Variants in CFH observed in about 807,000 individuals in gnomAD.
CFH encodes the protein H factor 1 (complement).
Under a neutral mutation model 147.3 loss-of-function variants are expected in CFH, and 53 were observed. The observed-to-expected ratio is 0.36, with a 90% CI of 0.29 to 0.45. CFH has a LOEUF of 0.45. CFH is among the 20% of genes least tolerant of loss of function. The pLI, the probability that CFH is intolerant of heterozygous loss-of-function variation, is 1.00. For synonymous variants in CFH, 536 were observed against 489.4 expected, an observed-to-expected ratio of 1.10 and a Z score of -1.26; for missense variants, 1,380 against 1,498.0, an observed-to-expected ratio of 0.92 and a Z score of 1.30.
In CFH at chr1:196,672,718, G is replaced by A. The variant is rs35661539; in HGVS notation, c.59-260G>A. ...CAAAATATATCTATTGCTTTGCAAA[G>A]TTTTTTAGGTGTTTTTCCACAGTGA... On this transcript the variant is annotated intron_variant, in intron 1 of 21. Transcript: ENST00000367429. Among the ~76,000 whole-genome samples, 1,182 of 152,198 alleles carry A rather than the reference G, an allele frequency of 7.8e-3. 10 individuals carry two copies. Among genetic ancestry groups the A allele is most frequent in the South Asian group, 0.02 (97 of 4,832 alleles).
intron 9 of CFH, among the ~76,000 whole-genome samples, chr1:196,693,910 TA>T (rs1374261547): frequency 6.6e-6 from 1 of 151,914 alleles, no homozygotes; most frequent in East Asian, 1.9e-4. Flanking sequence ...AACACAAATT[TA>T]TTCCTCATGG....
At chr1:196,676,181 T>C (rs557886216) in intron 4 of CFH, 116 bp downstream of exon 4, 9 of 642,994 alleles carry the variant, frequency 1.4e-5, no homozygotes, top group East Asian at 6.0e-5. Context: ...TGTTTTTTTT[T>C]CTCATACAAT....
chr1:196,689,915 G>A, intron 8 of CFH, 148 bp from the exon 9 acceptor site: 1 of 953,548 alleles, frequency 1.0e-6, no homozygotes, highest in East Asian at 2.7e-5. Context: ...ACCTTTGTTA[G>A]TAACTTTAGT....
chr1:196,738,350 C>T (rs982192319), intron 17 of CFH, among the ~76,000 whole-genome samples: 1 of 152,174 alleles, frequency 6.6e-6, no homozygotes, highest in Admixed American at 6.5e-5. Flanking sequence ...TTAACTTATT[C>T]CAGCATTAAC....
chr1:196,715,339 T>C (rs1668843249), intron 10 of CFH, among the ~76,000 whole-genome samples: 1 of 152,030 alleles, frequency 6.6e-6, no homozygotes, highest in Non-Finnish European at 1.5e-5. Context: ...TTAGTATAAA[T>C]GAATTAAGAA....
At chr1:196,726,212 C>T (rs1217123569) in intron 12 of CFH, among the ~76,000 whole-genome samples, 1 of 151,924 alleles carries the variant, frequency 6.6e-6, no homozygotes, top group African/African-American at 2.4e-5. Flanking sequence ...TTTTCATAAC[C>T]ACATTTGCTA....
In CFH at chr1:196,736,889, C is replaced by G. The variant is rs749474384; in HGVS notation, c.2479C>G (p.Leu827Val). Residue 827 changes from leucine (L) to valine (V), a missense_variant, in exon 16 of 22, where the codon CTG (leucine) becomes GTG (valine). Physicochemically the swap from Leu to Val is conservative, Grantham distance 32 (BLOSUM62 1). Transcript: ENST00000367429. The part of the protein sequence containing the change: ...IPNSHNMTTT[L>V]NYRDGEKVSV... ...CAATTCTCACAATATGACAACCACA[C>G]TGAATTATCGGGATGGAGAAAAAGT... The G allele has an allele frequency of 6.2e-7, 1 of 1,608,040 alleles. No homozygotes were observed. Among genetic ancestry groups the G allele is most frequent in the South Asian group, 1.1e-5 (1 of 90,296 alleles).
intron 6 of CFH, among the ~76,000 whole-genome samples, chr1:196,682,340 T>C (rs779909275): frequency 4.0e-5 from 6 of 151,712 alleles, no homozygotes; most frequent in Admixed American, 1.3e-4. Context: ...TCTCAAGTAT[T>C]GTTTTGGATA....
chr1:196,740,601 T>C lies in CFH; in HGVS notation c.2783-18T>C, dbSNP rs1164015366. ...ATTTATGAGTTAGTGAAACCTGAATTCATTCTTTTTTTTTTAGGCCTTCCT... is the reference window on the plus strand; with the variant it reads ...ATTTATGAGTTAGTGAAACCTGAATCCATTCTTTTTTTTTTAGGCCTTCCT... On this transcript the variant is annotated intron_variant, in intron 17 of 21. Coordinates refer to ENST00000367429, the MANE Select transcript of CFH (RefSeq NM_000186.4). The C allele has an allele frequency of 6.2e-7, 1 of 1,612,156 alleles. No individual in the cohort carries two copies. Among genetic ancestry groups the C allele is most frequent in the Non-Finnish European group, 8.5e-7 (1 of 1,179,048 alleles).
At chr1:196,738,661 A>T (rs923660735) in intron 17 of CFH, among the ~76,000 whole-genome samples, 4 of 152,036 alleles carry the variant, frequency 2.6e-5, no homozygotes, top group Admixed American at 6.6e-5. Context: ...CCTTGTGCAG[A>T]TGTGGCTTTG....
intron 5 of CFH, chr1:196,678,949 A>G (rs1395762652): frequency 1.3e-5 from 2 of 152,294 alleles, no homozygotes; most frequent in Non-Finnish European, 2.9e-5. Context: ...ATTCAGATTG[A>G]TTTGGGAATC....
chr1:196,734,210 C>A (rs1669345469), intron 15 of CFH, among the ~76,000 whole-genome samples: 1 of 152,082 alleles, frequency 6.6e-6, no homozygotes, highest in African/African-American at 2.4e-5. Context: ...ACTTTTCTTA[C>A]TTGTTCAATG....
At chr1:196,681,223 C>T (rs1667643141) in intron 6 of CFH, among the ~76,000 whole-genome samples, 1 of 151,712 alleles carries the variant, frequency 6.6e-6, no homozygotes. Context: ...TGCAATAAAC[C>T]ATCATTCCAG....
chr1:196,743,733 C>T, intron 20 of CFH, 105 bp downstream of exon 20: 1 of 1,500,526 alleles, frequency 6.7e-7, no homozygotes, highest in Non-Finnish European at 9.2e-7. Context: ...TTTTCAAATG[C>T]AAATAAAATG....
chr1:196,667,928 G>A (rs1373035776), intron 1 of CFH, among the ~76,000 whole-genome samples: 11 of 152,060 alleles, frequency 7.2e-5, no homozygotes, highest in Admixed American at 4.6e-4. Context: ...ACCACATCAA[G>A]ACTATGGGGA....
intron 11 of CFH, among the ~76,000 whole-genome samples, chr1:196,718,172 G>A (rs1208320348): frequency 1.3e-5 from 2 of 152,050 alleles, no homozygotes; most frequent in African/African-American, 2.4e-5. Flanking sequence ...GAAAACACAA[G>A]CACAGGTCTA....
rs536089017 is a variant in CFH, at chr1:196,726,394, A to T, written c.1874-76A>T. 399 of 1,153,718 alleles carry T rather than the reference A, an allele frequency of 3.5e-4. 3 individuals carry two copies. The South Asian group carries it at 5.2e-3, about 15-fold the overall frequency. The allele number at this position is 1,153,718 out of a possible 1,614,324, so 71.5% of individuals were successfully genotyped here. A position where few individuals can be genotyped will look rare whatever the true frequency, so the allele number is the denominator to read the frequency against. On this transcript the variant is annotated intron_variant, in intron 12 of 21. Coordinates refer to ENST00000367429, the MANE Select transcript of CFH (RefSeq NM_000186.4). ...AAGAATACATGAATAAAAGAAGAAAATCTTTCCATTTTACTGAATTTTTAT... is the reference window on the plus strand; with the variant it reads ...AAGAATACATGAATAAAAGAAGAAATTCTTTCCATTTTACTGAATTTTTAT...
chr1:196,747,190 G>A lies in CFH; in HGVS notation c.3573G>A (p.Ser1191=), dbSNP rs774650020. Residue 1191 remains serine (S), a synonymous_variant, in exon 22 of 22, where the codon TCG becomes TCA. Coordinates refer to ENST00000367429, the MANE Select transcript of CFH (RefSeq NM_000186.4). ...LRWTAKQKLY[S]RTGESVEFVC... ...GGACAGCCAAACAGAAGCTTTATTC[G>A]AGAACAGGTGAATCAGTTGAATTTG... is the stretch of plus-strand genomic sequence containing the variant. The A allele has an allele frequency of 4.3e-6, 7 of 1,613,656 alleles. No individual in the cohort carries two copies. In the Admixed American group the frequency reaches 6.7e-5, roughly 15 times the overall value.
chr1:196,742,704 T>A (rs1652851243), intron 19 of CFH, among the ~76,000 whole-genome samples: 1 of 152,156 alleles, frequency 6.6e-6, no homozygotes, highest in South Asian at 2.1e-4. Context: ...ACCCTGAAAC[T>A]GTTTTACCAA....
Sources: allele counts gnomAD v4.1 joint callset (sites outside exome capture counted in the v4.1 genomes callset), GRCh38; gene constraint gnomAD v4.1.1; transcripts MANE v1.5; gene names NCBI Gene and HGNC (gene_info 2026-07-23, HGNC 2026-07-21).